The following ORC5 variants were observed in gnomAD, a reference collection of about 807,000 sequenced individuals.
ORC5 encodes protein phosphatase 1, regulatory subunit 117.
Under a neutral mutation model 58.8 loss-of-function variants are expected in ORC5, and 39 were observed. The ratio of observed to expected loss-of-function variants is 0.66; its 90% CI spans 0.51 to 0.87. ORC5 has a LOEUF of 0.87. ORC5 is among the 40% of genes least tolerant of loss of function. ORC5 has a pLI of 0.00. For missense variants in ORC5, 493 were observed against 506.3 expected (o/e 0.97, Z 0.25); for synonymous variants, 218 against 177.6 (o/e 1.23, Z -1.81).
At chr7:104,190,798 A>T (rs934000487) in intron 5 of ORC5, among the ~76,000 whole-genome samples, 2 of 151,976 alleles carry the variant, frequency 1.3e-5, no homozygotes, top group African/African-American at 4.8e-5. Flanking sequence ...CTCTTCCAGG[A>T]TATTCTAATC....
intron 8 of ORC5, among the ~76,000 whole-genome samples, chr7:104,175,674 T>C (rs1799307592): frequency 6.6e-6 from 1 of 152,186 alleles, no homozygotes; most frequent in Non-Finnish European, 1.5e-5. Context: ...AGCAATAATA[T>C]AACATTTCTC....
Position 104,134,163 on chromosome 7 carries a change from T to C in ORC5, c.1262+2618A>G, listed in dbSNP as rs139644038. Among the ~76,000 whole-genome samples the C allele has an allele frequency of 2.7e-3, 415 of 152,184 alleles. 1 individual carries two copies. The highest frequency in any genetic ancestry group is 4.8e-3 in the Non-Finnish European group (329 of 68,002). On this transcript the variant is annotated intron_variant, in intron 13 of 13. Transcript: ENST00000297431. ...GAGGCTGGGCGCGGTGGCTCACACCTGTAATCCCAGGCCTTTGGGAGGCCG... is the reference window on the plus strand; with the variant it reads ...GAGGCTGGGCGCGGTGGCTCACACCCGTAATCCCAGGCCTTTGGGAGGCCG...
intron 11 of ORC5, among the ~76,000 whole-genome samples, chr7:104,164,811 T>A (rs181493992): frequency 2.2e-4 from 33 of 152,350 alleles, no homozygotes; most frequent in Admixed American, 5.9e-4. Flanking sequence ...GCGTTTTCTC[T>A]AATCTGCTTG....
At chr7:104,201,641 AAAG>A (rs1482340120) in intron 2 of ORC5, among the ~76,000 whole-genome samples, 13 of 149,790 alleles carry the variant, frequency 8.7e-5, no homozygotes, top group African/African-American at 3.0e-4. Flanking sequence ...AAAAAAAAAA[AAAG>A]AAAAGAAATC....
intron 6 of ORC5, chr7:104,187,930 T>A (rs983196225): frequency 1.0e-6 from 1 of 1,002,720 alleles, no homozygotes; most frequent in Non-Finnish European, 1.2e-6. Context: ...CTCTTTTCTG[T>A]TATTCCTCAT....
intron 12 of ORC5, among the ~76,000 whole-genome samples, chr7:104,137,631 G>A (rs1433847817): frequency 6.6e-6 from 1 of 152,116 alleles, no homozygotes. Flanking sequence ...ACTGGCAGAA[G>A]AACAAGCAAG....
intron 13 of ORC5, among the ~76,000 whole-genome samples, chr7:104,128,725 T>C (rs1798468288): frequency 7.5e-6 from 1 of 133,478 alleles, no homozygotes; most frequent in African/African-American, 2.8e-5. Context: ...CCTTCCTGTG[T>C]CCGTGTGTTC....
intron 12 of ORC5, among the ~76,000 whole-genome samples, chr7:104,155,144 T>C (rs1295030116): frequency 6.6e-6 from 1 of 151,804 alleles, no homozygotes; most frequent in Admixed American, 6.6e-5. Context: ...TAAGAAACGA[T>C]TGTTGATTCA....
At chr7:104,154,721 T>A (rs1301226791) in intron 12 of ORC5, among the ~76,000 whole-genome samples, 1 of 151,928 alleles carries the variant, frequency 6.6e-6, no homozygotes, top group Non-Finnish European at 1.5e-5. Flanking sequence ...GACTTTGAAC[T>A]TGAAATGTGA....
intron 13 of ORC5, among the ~76,000 whole-genome samples, chr7:104,134,537 T>A (rs1160552921): frequency 6.7e-6 from 1 of 149,002 alleles, no homozygotes; most frequent in African/African-American, 2.5e-5. Flanking sequence ...TTAAGGAGAA[T>A]AGGGAAATAG....
chr7:104,188,859 A>G (rs1311274838), intron 5 of ORC5, among the ~76,000 whole-genome samples: 2 of 151,932 alleles, frequency 1.3e-5, no homozygotes, highest in Non-Finnish European at 2.9e-5. Flanking sequence ...TGGTTGTTTC[A>G]AAGTGTGCAG....
At chr7:104,189,471 A>C (rs1359210989) in intron 5 of ORC5, among the ~76,000 whole-genome samples, 1 of 152,068 alleles carries the variant, frequency 6.6e-6, no homozygotes, top group Non-Finnish European at 1.5e-5. Context: ...TCAAGATGAG[A>C]TCTCAGTGGG....
At chr7:104,178,111 G>T (rs927902818) in intron 8 of ORC5, among the ~76,000 whole-genome samples, 3 of 152,132 alleles carry the variant, frequency 2.0e-5, no homozygotes, top group Admixed American at 2.0e-4. Context: ...GGGTCAAATG[G>T]TATTTCTGGT....
chr7:104,147,075 T>G (rs749063176), intron 12 of ORC5, among the ~76,000 whole-genome samples: 78 of 152,322 alleles, frequency 5.1e-4, no homozygotes, highest in Middle Eastern at 3.4e-3. Flanking sequence ...AGAATAAATG[T>G]TATCTCAAAA....
chr7:104,152,510 A>G (rs1250255783), intron 12 of ORC5, among the ~76,000 whole-genome samples: 1 of 152,078 alleles, frequency 6.6e-6, no homozygotes, highest in Admixed American at 6.6e-5. Context: ...TTTATCTCCT[A>G]TCTGTTCTTA....
intron 12 of ORC5, among the ~76,000 whole-genome samples, chr7:104,157,616 T>C (rs1798948226): frequency 6.6e-6 from 1 of 152,116 alleles, no homozygotes; most frequent in East Asian, 1.9e-4. Flanking sequence ...TTGTTCATCA[T>C]AGTCAATGGC....
At chr7:104,152,599 T>C (rs1436941246) in intron 12 of ORC5, among the ~76,000 whole-genome samples, 1 of 152,194 alleles carries the variant, frequency 6.6e-6, no homozygotes, top group Non-Finnish European at 1.5e-5. Flanking sequence ...TCACTATATA[T>C]TAGTAGTATG....
At chr7:104,205,743 G>GCT (rs1362433453) in intron 1 of ORC5, among the ~76,000 whole-genome samples, 1 of 152,186 alleles carries the variant, frequency 6.6e-6, no homozygotes, top group Non-Finnish European at 1.5e-5. Context: ...TCAGCAGGAT[G>GCT]CAGTGGCTCA....
chr7:104,147,842 G>C (rs1039164055), intron 12 of ORC5, among the ~76,000 whole-genome samples: 1 of 152,266 alleles, frequency 6.6e-6, no homozygotes, highest in East Asian at 1.9e-4. Context: ...AAAATGGTTT[G>C]CCAAGACTAC....
Sources: allele counts gnomAD v4.1 joint callset (sites outside exome capture counted in the v4.1 genomes callset), GRCh38; gene constraint gnomAD v4.1.1; transcripts MANE v1.5; gene names NCBI Gene and HGNC (gene_info 2026-07-23, HGNC 2026-07-21).